The following WDR26 variants were observed in gnomAD, a reference collection of about 807,000 sequenced individuals.
WDR26 encodes WD repeat-containing protein 26.
Under a neutral mutation model 84.1 loss-of-function variants are expected in WDR26, and 5 were observed. That is an observed-to-expected ratio of 0.06 (90% confidence interval 0.03 to 0.13). The LOEUF is 0.13. WDR26 is among the 10% of genes least tolerant of loss of function. WDR26 has a pLI of 1.00. For missense variants in WDR26, 642 were observed against 974.9 expected, an observed-to-expected ratio of 0.66 and a Z score of 4.55; for synonymous variants, 415 against 389.6, an observed-to-expected ratio of 1.07 and a Z score of -0.77.
At chr1:224,410,920 G>C (rs547498636) in intron 7 of WDR26, among the ~76,000 whole-genome samples, 3 of 152,124 alleles carry the variant, frequency 2.0e-5, no homozygotes, top group Non-Finnish European at 4.4e-5. Context: ...TTGAACTCCT[G>C]AGCTCAAGTG....
intron 11 of WDR26, 96 bp from the exon 12 acceptor site, chr1:224,398,322 T>C (rs1673317636): frequency 1.4e-6 from 2 of 1,465,290 alleles, no homozygotes; most frequent in East Asian, 4.8e-5. Context: ...TGAAATATCT[T>C]CATTTTCTAT....
At chr1:224,407,784 C>T (rs1673624224) in intron 7 of WDR26, among the ~76,000 whole-genome samples, 1 of 152,066 alleles carries the variant, frequency 6.6e-6, no homozygotes, top group African/African-American at 2.4e-5. Flanking sequence ...GCTGAGATTA[C>T]AGCGGTAAGC....
intron 8 of WDR26, among the ~76,000 whole-genome samples, chr1:224,401,702 G>GAAAAAA (rs5781368): frequency 1.0e-5 from 1 of 97,768 alleles, no homozygotes; most frequent in African/African-American, 4.0e-5. Flanking sequence ...AAAAAAAAAA[G>GAAAAAA]AAAAAAGAAA....
intron 6 of WDR26, among the ~76,000 whole-genome samples, chr1:224,417,430 C>A (rs1673936163): frequency 6.6e-6 from 1 of 152,224 alleles, no homozygotes; most frequent in Non-Finnish European, 1.5e-5. Flanking sequence ...TTAGGCCCAG[C>A]ATGGAGGCTC....
rs769302474 is a variant in WDR26, at chr1:224,403,721, T to A, written c.1599+709A>T. ...GGAGGCCGAGGCAGGCGGATCACTT[T>A]AGGTGAAGAGTTCGAGACTAGCCTG... On this transcript the variant is annotated intron_variant, in intron 8 of 13. Coordinates refer to ENST00000414423, the MANE Select transcript of WDR26 (RefSeq NM_001379403.1). Among the ~76,000 whole-genome samples, 54 of 152,290 alleles carry A rather than the reference T, an allele frequency of 3.5e-4. 1 individual carries two copies. Among genetic ancestry groups the A allele is most frequent in the Non-Finnish European group, 5.6e-4 (38 of 68,024 alleles).
intron 4 of WDR26, 115 bp from the exon 5 acceptor site, chr1:224,419,730 T>G: frequency 1.3e-6 from 1 of 744,570 alleles, no homozygotes; most frequent in Non-Finnish European, 2.3e-6. Context: ...GTCAAGAAAT[T>G]TCTACAGTGG....
chr1:224,425,880 G>T (rs1010173649), intron 3 of WDR26, among the ~76,000 whole-genome samples: 1 of 150,968 alleles, frequency 6.6e-6, no homozygotes, highest in Non-Finnish European at 1.5e-5. Context: ...TTTTTTTTGA[G>T]ACAGAGTCTC....
At chr1:224,417,559 C>G (rs1031009466) in intron 6 of WDR26, among the ~76,000 whole-genome samples, 3 of 152,128 alleles carry the variant, frequency 2.0e-5, no homozygotes, top group African/African-American at 4.8e-5. Context: ...TAAGAATTAG[C>G]CAGGCATGGT....
At chr1:224,403,617 C>T (rs550525344) in intron 8 of WDR26, among the ~76,000 whole-genome samples, 1 of 152,256 alleles carries the variant, frequency 6.6e-6, no homozygotes, top group African/African-American at 2.4e-5. Flanking sequence ...AAATGGGACC[C>T]TGCATAAAAT....
intron 1 of WDR26, among the ~76,000 whole-genome samples, chr1:224,432,780 C>A (rs907308743): frequency 3.3e-5 from 5 of 152,172 alleles, no homozygotes; most frequent in African/African-American, 9.7e-5. Flanking sequence ...GTCCTCCCCC[C>A]TTCATTTCAT....
At chr1:224,393,807 A>C (rs766424229) in intron 13 of WDR26, 21 bp downstream of exon 13, 5 of 1,490,300 alleles carry the variant, frequency 3.4e-6, no homozygotes, top group East Asian at 2.3e-5. Flanking sequence ...AAAACATAGT[A>C]ACATTATACA....
intron 6 of WDR26, chr1:224,413,093 G>A (rs1673783515): frequency 5.2e-6 from 1 of 191,278 alleles, no homozygotes; most frequent in Non-Finnish European, 1.1e-5. Flanking sequence ...AGAAGCTGAG[G>A]CAGGAGAATC....
At chr1:224,406,862 C>T (rs1034076403) in intron 7 of WDR26, among the ~76,000 whole-genome samples, 4 of 151,704 alleles carry the variant, frequency 2.6e-5, no homozygotes, top group African/African-American at 7.3e-5. Flanking sequence ...TGGCTCATGC[C>T]TGTAATCCCA....
At chr1:224,422,646 G>C (rs997761148) in intron 4 of WDR26, among the ~76,000 whole-genome samples, 35 of 151,634 alleles carry the variant, frequency 2.3e-4, no homozygotes, top group African/African-American at 8.2e-4. Flanking sequence ...CCCAGGAGGC[G>C]AAGGCTGCAG....
intron 8 of WDR26, 62 bp downstream of exon 8, chr1:224,404,368 T>A (rs1673497205): frequency 6.5e-7 from 1 of 1,540,826 alleles, no homozygotes; most frequent in East Asian, 2.3e-5. Flanking sequence ...AAAGTTATAA[T>A]GAATATGTAC....
rs1247318569 is a variant in WDR26, at chr1:224,389,704, C to T, written c.*131G>A. ...TAAATGTTTGGCCCCAATCGGGCTT[C>T]AGAAATGGTTCTTTTTTCATGACGA... On this transcript the variant is annotated 3_prime_UTR_variant, in exon 14 of 14. Coordinates refer to ENST00000414423, the MANE Select transcript of WDR26 (RefSeq NM_001379403.1). 1.0e-5 allele frequency: 10 copies of T among 991,890 alleles called. No homozygotes were observed. The highest frequency in any genetic ancestry group is 1.6e-5 in the African/African-American group (1 of 61,762). The allele number at this position is 991,890 out of a possible 1,614,324, so 61.4% of individuals were successfully genotyped here.
intron 7 of WDR26, among the ~76,000 whole-genome samples, chr1:224,410,536 CT>C (rs1673707456): frequency 6.6e-6 from 1 of 151,792 alleles, no homozygotes; most frequent in Admixed American, 6.6e-5. Context: ...GAATAAAATA[CT>C]TTTCATATAT....
Position 224,411,584 on chromosome 1 carries a change from C to A in WDR26, c.1320-19G>T. Reference sequence around the variant, plus strand: ...CTGCCTCCTAAAACAAAGAGGTCCACAAATTATTCTTTCAAAACAGATTAG... The same window carrying A: ...CTGCCTCCTAAAACAAAGAGGTCCAAAAATTATTCTTTCAAAACAGATTAG... On this transcript the variant is annotated intron_variant, in intron 6 of 13. Transcript: ENST00000414423. 2 of 1,564,756 alleles carry A rather than the reference C, an allele frequency of 1.3e-6. No individual in the cohort carries two copies. The highest frequency in any genetic ancestry group is 1.2e-5 in the South Asian group (1 of 80,134).
chr1:224,399,659 A>G (rs1673355782), intron 9 of WDR26, among the ~76,000 whole-genome samples: 1 of 152,244 alleles, frequency 6.6e-6, no homozygotes, highest in Non-Finnish European at 1.5e-5. Flanking sequence ...AGAAACATAC[A>G]TGATCATCTT....
Sources: gnomAD v4.1 joint callset for allele counts (sites outside exome capture counted in the v4.1 genomes callset) on GRCh38, gnomAD v4.1.1 for gene constraint, MANE v1.5 for transcripts, NCBI Gene and HGNC (gene_info 2026-07-23, HGNC 2026-07-21) for gene names.